FOXP1: variants seen among roughly 807,000 people sequenced by gnomAD.
FOXP1 encodes forkhead box P1, also known as forkhead box protein P1.
A neutral mutation model predicts 98.2 loss-of-function variants in FOXP1; 15 were observed. That is an observed-to-expected ratio of 0.15 (90% CI 0.10 to 0.24). The LOEUF (loss-of-function observed/expected upper bound fraction) is 0.24. FOXP1 is among the 10% of genes least tolerant of loss of function. The pLI is 1.00. For synonymous variants in FOXP1, 371 were observed against 314.5 expected (o/e 1.18, Z -1.90); for missense variants, 633 against 848.5 (o/e 0.75, Z 3.15).
At chr3:71,474,972 C>A (rs994013200) in intron 3 of FOXP1, among the ~76,000 whole-genome samples, 1 of 152,004 alleles carries the variant, frequency 6.6e-6, no homozygotes, top group Non-Finnish European at 1.5e-5. Flanking sequence ...CCCACTGAAG[C>A]CTTCCTCATG....
At chr3:70,970,660 C>T (rs1044835941) in intron 19 of FOXP1, 76 bp downstream of exon 19, 4 of 1,159,524 alleles carry the variant, frequency 3.4e-6, no homozygotes, top group Admixed American at 1.7e-5. Context: ...CTAATTAGAG[C>T]AAGGCTAATA....
intron 7 of FOXP1, among the ~76,000 whole-genome samples, chr3:71,097,268 A>T (rs941015629): frequency 2.2e-4 from 33 of 152,208 alleles, no homozygotes; most frequent in African/African-American, 8.0e-4. Context: ...GTGATGTGAA[A>T]ATTATGTGAA....
intron 3 of FOXP1, among the ~76,000 whole-genome samples, chr3:71,415,381 A>G (rs942305275): frequency 6.6e-6 from 1 of 152,238 alleles, no homozygotes; most frequent in Non-Finnish European, 1.5e-5. Context: ...ATAACAAAAT[A>G]TGTTTTAAGA....
At chr3:71,393,731 G>T (rs557352205) in intron 3 of FOXP1, among the ~76,000 whole-genome samples, 1 of 152,200 alleles carries the variant, frequency 6.6e-6, no homozygotes, top group Non-Finnish European at 1.5e-5. Flanking sequence ...TTTTGAAAGG[G>T]TGTCTGTGAA....
intron 3 of FOXP1, among the ~76,000 whole-genome samples, chr3:71,407,045 G>A (rs1446975851): frequency 1.3e-5 from 2 of 152,006 alleles, no homozygotes; most frequent in South Asian, 2.1e-4. Flanking sequence ...GAGATAACCC[G>A]GGCTGTTTCT....
chr3:71,363,138 G>A (rs1464031248), intron 3 of FOXP1, among the ~76,000 whole-genome samples: 1 of 147,764 alleles, frequency 6.8e-6, no homozygotes. Flanking sequence ...AAAAAAAAAA[G>A]GTGTGTTTAG....
chr3:71,008,572 G>C (rs2043104705), intron 12 of FOXP1, among the ~76,000 whole-genome samples: 1 of 151,980 alleles, frequency 6.6e-6, no homozygotes, highest in African/African-American at 2.4e-5. Flanking sequence ...GATAACTCAT[G>C]GTTGATAGAT....
chr3:71,462,279 G>A (rs538628881), intron 3 of FOXP1, among the ~76,000 whole-genome samples: 1 of 152,290 alleles, frequency 6.6e-6, no homozygotes, highest in African/African-American at 2.4e-5. Context: ...TGAAAGGCGG[G>A]ACAGAAGAAA....
At chr3:71,319,971 C>T (rs943453250) in intron 4 of FOXP1, among the ~76,000 whole-genome samples, 37 of 152,232 alleles carry the variant, frequency 2.4e-4, no homozygotes, top group African/African-American at 8.9e-4. Context: ...TTTCCTTCAC[C>T]CTGACCAACA....
At chr3:70,969,715 T>C (rs2035781053) in intron 19 of FOXP1, 2 of 152,348 alleles carry the variant, frequency 1.3e-5, no homozygotes, top group South Asian at 4.1e-4. Flanking sequence ...TCAAGTATTA[T>C]GGTCCTTTGG....
chr3:71,037,458 T>A (rs547268798), intron 11 of FOXP1, among the ~76,000 whole-genome samples: 88 of 152,282 alleles, frequency 5.8e-4, no homozygotes, highest in African/African-American at 2.0e-3. Flanking sequence ...TATCTTCATA[T>A]GTACCGGTAT....
At chr3:71,414,670 G>C (rs1464468493) in intron 3 of FOXP1, among the ~76,000 whole-genome samples, 14 of 152,228 alleles carry the variant, frequency 9.2e-5, no homozygotes, top group East Asian at 1.9e-4. Context: ...TAAGGGGAGA[G>C]GGCACGAGGA....
chr3:71,377,556 C>A (rs73117198), intron 3 of FOXP1, among the ~76,000 whole-genome samples: 6 of 152,132 alleles, frequency 3.9e-5, no homozygotes, highest in Admixed American at 6.5e-5. Flanking sequence ...AATAACCCCC[C>A]CAAGGTCACC....
chr3:71,160,172 G>A (rs2061061849), intron 6 of FOXP1, among the ~76,000 whole-genome samples: 1 of 152,122 alleles, frequency 6.6e-6, no homozygotes, highest in Admixed American at 6.5e-5. Flanking sequence ...AATTGACACT[G>A]CCGTGTATGT....
At chr3:71,424,511 C>T (rs963734777) in intron 3 of FOXP1, among the ~76,000 whole-genome samples, 1 of 152,176 alleles carries the variant, frequency 6.6e-6, no homozygotes, top group Non-Finnish European at 1.5e-5. Flanking sequence ...TTCCACCACA[C>T]CACACCATGG....
intron 14 of FOXP1, among the ~76,000 whole-genome samples, chr3:70,980,380 A>C (rs2038622028): frequency 1.3e-5 from 2 of 152,240 alleles, no homozygotes; most frequent in African/African-American, 4.8e-5. Flanking sequence ...CGCTTTGGAA[A>C]GTCATGGGTA....
intron 5 of FOXP1, among the ~76,000 whole-genome samples, chr3:71,284,120 G>A (rs935713631): frequency 7.2e-5 from 11 of 152,082 alleles, no homozygotes; most frequent in African/African-American, 2.4e-4. Flanking sequence ...GAAACTCTTT[G>A]GCAAAGTTCA....
rs997187481 is a variant in FOXP1, at chr3:70,957,761, G to T, written c.*1486C>A. ...CTTCTATGAGTTTTTGTGATACTGG[G>T]TTGGTGATATAATATTGCATAACAA... is the stretch of plus-strand genomic sequence containing the variant. On this transcript the variant is annotated 3_prime_UTR_variant, in exon 21 of 21. Coordinates refer to ENST00000649528, the MANE Select transcript of FOXP1 (RefSeq NM_001349338.3). 8.6e-6 allele frequency: 2 copies of T among 233,688 alleles called. No individual in the cohort carries two copies. Among genetic ancestry groups the T allele is most frequent in the Non-Finnish European group, 1.7e-5 (2 of 118,200 alleles). The allele number at this position is 233,688 out of a possible 1,614,324, so 14.5% of individuals were successfully genotyped here.
At chr3:71,307,046 T>C (rs1257725637) in intron 4 of FOXP1, among the ~76,000 whole-genome samples, 1 of 152,210 alleles carries the variant, frequency 6.6e-6, no homozygotes, top group Non-Finnish European at 1.5e-5. Flanking sequence ...TTGGTCTTAG[T>C]AACTTAATTA....
Sources: allele counts gnomAD v4.1 joint callset (sites outside exome capture counted in the v4.1 genomes callset), GRCh38; gene constraint gnomAD v4.1.1; transcripts MANE v1.5; gene names NCBI Gene and HGNC (gene_info 2026-07-23, HGNC 2026-07-21).